PPP2R2D: variants seen among roughly 807,000 people sequenced by gnomAD.
PPP2R2D encodes serine/threonine-protein phosphatase 2A 55 kDa regulatory subunit B delta isoform.
A neutral mutation model predicts 31.1 loss-of-function variants in PPP2R2D; 9 were observed. The observed-to-expected ratio is 0.29, with a 90% CI of 0.17 to 0.51. PPP2R2D has a LOEUF of 0.51. Ranked by LOEUF, PPP2R2D falls within the 20% of genes least tolerant of loss-of-function variation. PPP2R2D has a pLI of 0.98. For synonymous variants in PPP2R2D, 179 were observed against 172.6 expected, an observed-to-expected ratio of 1.04 and a Z score of -0.29; for missense variants, 391 against 465.6, an observed-to-expected ratio of 0.84 and a Z score of 1.48.
At chr10:131,961,360 C>T (rs544141974), downstream of PPP2R2D, among the ~76,000 whole-genome samples, 70 of 152,284 alleles carry the variant, frequency 4.6e-4, 1 homozygote, top group South Asian at 0.013. Flanking sequence ...CCCAGCCCCA[C>T]AGGGCTGTCA....
At chr10:131,930,084 T>C (rs2036191583) in intron 2 of PPP2R2D, among the ~76,000 whole-genome samples, 1 of 152,260 alleles carries the variant, frequency 6.6e-6, no homozygotes, top group African/African-American at 2.4e-5. Context: ...TGCAAGTTTT[T>C]GTTACATAGT....
At chr10:131,943,595 G>A (rs916437977) in intron 5 of PPP2R2D, among the ~76,000 whole-genome samples, 1 of 152,082 alleles carries the variant, frequency 6.6e-6, no homozygotes, top group African/African-American at 2.4e-5. Context: ...GAGGACAAAG[G>A]GAGGGGTGCA....
At chr10:131,923,649 G>A (rs782147750) in intron 2 of PPP2R2D, among the ~76,000 whole-genome samples, 4 of 152,152 alleles carry the variant, frequency 2.6e-5, no homozygotes, top group Non-Finnish European at 5.9e-5. Flanking sequence ...CTGGTATCTG[G>A]TGGTTTTGAT....
intron 2 of PPP2R2D, among the ~76,000 whole-genome samples, chr10:131,906,626 G>A (rs2035588782): frequency 2.6e-5 from 4 of 151,998 alleles, no homozygotes; most frequent in African/African-American, 9.7e-5. Flanking sequence ...CTGTTTCATT[G>A]AATGTAAGAT....
rs1435689144 is a variant in PPP2R2D, at chr10:131,956,125, G to A, written c.*162G>A. ...CCGCCTCCGCTGGAGGCCCGGTGTG[G>A]TTCCGCCTCGGCGAGGCGCGAGACA... On this transcript the variant is annotated 3_prime_UTR_variant, in exon 9 of 9. Coordinates refer to ENST00000455566, the MANE Select transcript of PPP2R2D (RefSeq NM_018461.5). 1.6e-6 allele frequency: 2 copies of A among 1,255,386 alleles called. No individual in the cohort carries two copies. The highest frequency in any genetic ancestry group is 1.5e-5 in the African/African-American group (1 of 65,000). 77.8% of individuals were successfully genotyped at this position (1,255,386 alleles called of 1,614,324 possible).
the PPP2R2D span, chr10:131,968,839 C>T: frequency 2.4e-5 from 8 of 333,754 alleles, no homozygotes; most frequent in Non-Finnish European, 4.6e-5. Context: ...ACACAGAAAG[C>T]TTCTGCTTTG....
chr10:131,930,159 C>T (rs1281216664), intron 2 of PPP2R2D, among the ~76,000 whole-genome samples: 1 of 152,222 alleles, frequency 6.6e-6, no homozygotes, highest in African/African-American at 2.4e-5. Context: ...CACAAGTTTT[C>T]ACTTTCCTAG....
rs1482298938 is a variant in PPP2R2D at position 131,919,041 on chromosome 10, G to A, written c.101-15417G>A. Among the ~76,000 whole-genome samples the A allele has an allele frequency of 3.4e-5, 4 of 118,100 alleles. 1 individual carries two copies. In the South Asian group the frequency reaches 9.5e-4, roughly 28 times the overall value. 77.5% of individuals were successfully genotyped at this position (118,100 alleles called of 152,430 possible). A position where few individuals can be genotyped will look rare whatever the true frequency, so the allele number is the denominator to read the frequency against. ...GTGTTTGTAGGGACCTCAGGCGAGC[G>A]GGATGACACAGTGTAGGGACCTCAG... On this transcript the variant is annotated intron_variant, in intron 2 of 8. Transcript: ENST00000455566.
At chr10:131,932,032 C>T in intron 2 of PPP2R2D, among the ~76,000 whole-genome samples, 1 of 141,888 alleles carries the variant, frequency 7.0e-6, no homozygotes, top group Admixed American at 7.1e-5. Flanking sequence ...GCTTTTTCTG[C>T]TTTCTTCTGA....
At chr10:131,909,041 G>A (rs931287950) in intron 2 of PPP2R2D, among the ~76,000 whole-genome samples, 1 of 152,244 alleles carries the variant, frequency 6.6e-6, no homozygotes, top group African/African-American at 2.4e-5. Context: ...ATGTGAAGAA[G>A]TACCCAGTAC....
At position 131,947,547 on chromosome 10, in the gene PPP2R2D, G is replaced by A; in HGVS notation, c.838G>A (p.Asp280Asn). 6.2e-7 allele frequency: 1 copy of A among 1,613,834 alleles called. No individual in the cohort carries two copies. Among genetic ancestry groups the A allele is most frequent in the Non-Finnish European group, 8.5e-7 (1 of 1,179,754 alleles). The change falls in exon 8 of 9, where the codon GAT (aspartate) becomes AAT (asparagine). Residue 280 changes from aspartate (D) to asparagine (N), a missense_variant. Physicochemically the swap from Asp to Asn is conservative, Grantham distance 23. Around this residue, in one of 3 missense-constraint regions of PPP2R2D, gnomAD observed 123 missense variants for 187.7 expected, o/e 0.66. Transcript: ENST00000455566. This position sits in a 1 kb window ranked among gnomAD's most constrained non-coding sequence, Gnocchi z 4.3. ...TTTTTCAGTTTTTGAAGAGCCTGAA[G>A]ATCCCAGCAGTAGGTCCTTCTTCTC... is the stretch of plus-strand genomic sequence containing the variant. ...RHSKFFEEPE[D>N]PSSRSFFSEI...
At chr10:131,937,690 A>G (rs1564819932) in intron 3 of PPP2R2D, among the ~76,000 whole-genome samples, 3 of 152,192 alleles carry the variant, frequency 2.0e-5, no homozygotes, top group Non-Finnish European at 4.4e-5. Flanking sequence ...TTTGACTTGG[A>G]CATTTTATTT....
chr10:131,902,013 C>G (rs1482042548), intron 2 of PPP2R2D, among the ~76,000 whole-genome samples: 1 of 152,318 alleles, frequency 6.6e-6, no homozygotes, highest in African/African-American at 2.4e-5. Flanking sequence ...AAATCATACT[C>G]TCAAATTGGC....
chr10:131,910,888 A>G (rs1029288846), intron 2 of PPP2R2D, among the ~76,000 whole-genome samples: 8 of 152,218 alleles, frequency 5.3e-5, no homozygotes, highest in African/African-American at 1.9e-4. Flanking sequence ...AGTCTTGCCT[A>G]TGTATGGACT....
At chr10:131,949,269 C>T (rs2036598629) in intron 8 of PPP2R2D, among the ~76,000 whole-genome samples, 1 of 152,108 alleles carries the variant, frequency 6.6e-6, no homozygotes, top group South Asian at 2.1e-4. Context: ...TTGGAGAACC[C>T]CACTGCTTTC....
intron 2 of PPP2R2D, among the ~76,000 whole-genome samples, chr10:131,902,969 C>G (rs2035525444): frequency 6.6e-6 from 1 of 152,032 alleles, no homozygotes; most frequent in Admixed American, 6.6e-5. Flanking sequence ...CCAGGCTGGT[C>G]TTGAACTCCT....
chr10:131,960,052 G>T (rs1231949063), downstream of PPP2R2D, among the ~76,000 whole-genome samples: 2 of 152,210 alleles, frequency 1.3e-5, no homozygotes, highest in Non-Finnish European at 2.9e-5. Flanking sequence ...TAGCTCTGGG[G>T]CGCCTGCGGG....
chr10:131,940,785 ACTGTGAGGTCTG>A (rs1408181374), intron 5 of PPP2R2D, 91 bp downstream of exon 5: 36 of 657,832 alleles, frequency 5.5e-5, no homozygotes, highest in Non-Finnish European at 8.7e-5. Context: ...GCGGTGGAGT[ACTGTGAGGTCTG>A]CTGTGAGGTC....
chr10:131,911,709 G>A (rs965334508), intron 2 of PPP2R2D: 21 of 148,846 alleles, frequency 1.4e-4, no homozygotes, highest in African/African-American at 4.7e-4. Flanking sequence ...AAATAGTCTT[G>A]ACCTCACGGA....
Sources: allele counts gnomAD v4.1 joint callset (sites outside exome capture counted in the v4.1 genomes callset), GRCh38; gene constraint gnomAD v4.1.1; regional missense constraint gnomAD v4.1.1; non-coding constraint Gnocchi (gnomAD v3.1); transcripts MANE v1.5; gene names NCBI Gene and HGNC (gene_info 2026-07-23, HGNC 2026-07-21).